The following CEP83 variants were observed in gnomAD, a reference collection of about 807,000 sequenced individuals.
CEP83 encodes the protein centrosomal protein of 83 kDa.
Under a neutral mutation model 101.9 loss-of-function variants are expected in CEP83, and 70 were observed. The ratio of observed to expected loss-of-function variants is 0.69; its 90% confidence interval spans 0.57 to 0.84. CEP83 has a LOEUF of 0.84. CEP83 is among the 40% of genes least tolerant of loss of function. The probability of loss-of-function intolerance (pLI) is 0.00; values close to 1 mark genes in which losing one functional copy is unlikely to be tolerated. For synonymous variants in CEP83, 264 were observed against 267.9 expected (o/e 0.99, Z 0.14); for missense variants, 715 against 787.2 (o/e 0.91, Z 1.10).
chr12:94,376,764 A>G (rs2061576914), intron 7 of CEP83, among the ~76,000 whole-genome samples: 2 of 145,502 alleles, frequency 1.4e-5, no homozygotes, highest in African/African-American at 2.6e-5. Context: ...TTTTGAGACA[A>G]GGTCTTGCTC....
the CEP83 span, among the ~76,000 whole-genome samples, chr12:94,266,899 C>T: frequency 5.3e-5 from 8 of 152,166 alleles, no homozygotes; most frequent in Admixed American, 1.3e-4. Flanking sequence ...TACCAGTGCC[C>T]GGGCTTTCCC....
the CEP83 span, among the ~76,000 whole-genome samples, chr12:94,272,716 C>CCACACCT: frequency 6.6e-6 from 1 of 152,240 alleles, no homozygotes; most frequent in Non-Finnish European, 1.5e-5. Context: ...AGCATACTGG[C>CCACACCT]CACACCTGGC....
chr12:94,401,604 G>A (rs1566097507), intron 5 of CEP83, among the ~76,000 whole-genome samples: 1 of 152,110 alleles, frequency 6.6e-6, no homozygotes, highest in South Asian at 2.1e-4. Flanking sequence ...CCACAAAGCA[G>A]AAAGATACAG....
At chr12:94,429,639 C>T (rs1011663404) in intron 2 of CEP83, among the ~76,000 whole-genome samples, 2 of 152,190 alleles carry the variant, frequency 1.3e-5, no homozygotes, top group Admixed American at 1.3e-4. Flanking sequence ...CCACTGCTTC[C>T]AGCAGTGGAG....
intron 11 of CEP83, among the ~76,000 whole-genome samples, chr12:94,358,916 A>T (rs1010349050): frequency 6.6e-6 from 1 of 152,260 alleles, no homozygotes; most frequent in Non-Finnish European, 1.5e-5. Context: ...ATGGCCATAA[A>T]GTCCAAGCTG....
intron 2 of CEP83, among the ~76,000 whole-genome samples, chr12:94,428,714 C>G (rs994439597): frequency 3.3e-5 from 5 of 152,174 alleles, no homozygotes; most frequent in African/African-American, 1.2e-4. Context: ...CTTTAAAAAA[C>G]TGATTAAACA....
At chr12:94,355,091 T>C (rs2060390271) in intron 11 of CEP83, among the ~76,000 whole-genome samples, 1 of 151,694 alleles carries the variant, frequency 6.6e-6, no homozygotes, top group Non-Finnish European at 1.5e-5. Context: ...ATGCAATGAA[T>C]ACCACAAAAG....
At position 94,402,176 on chromosome 12, in the gene CEP83, T is replaced by G. The variant is rs1278903563; in HGVS notation, c.417+994A>C. The G allele has an allele frequency of 4.6e-5, 7 of 152,342 alleles. No individual in the cohort carries two copies. In the East Asian group the frequency reaches 1.3e-3, roughly 29 times the overall value. The allele number at this position is 152,342 out of a possible 1,614,324, so 9.4% of individuals were successfully genotyped here. A position where few individuals can be genotyped will look rare whatever the true frequency, so the allele number is the denominator to read the frequency against. On this transcript the variant is annotated intron_variant, in intron 5 of 16. Coordinates refer to ENST00000397809, the MANE Select transcript of CEP83 (RefSeq NM_016122.3). ...GACTAGTCTCAACCTGAAGTAAAAC[T>G]GTAACAGATTTTTACTTTTATGAAG...
chr12:94,426,869 C>T (rs914115768), intron 2 of CEP83, among the ~76,000 whole-genome samples: 1 of 152,092 alleles, frequency 6.6e-6, no homozygotes, highest in East Asian at 1.9e-4. Flanking sequence ...CCTACAGCCA[C>T]AAAAAGCTGG....
rs529065714 is a variant in CEP83, at chr12:94,352,789, C to A, written c.1343+15005G>T. The stretch of plus-strand genomic sequence containing the variant: ...ATTAAGACAGGTCTTTTAAAATAAT[C>A]CAGTCAGACAAATAATAATAAAGAA... On this transcript the variant is annotated intron_variant, in intron 11 of 16. Transcript: ENST00000397809. 7.2e-5 allele frequency among the ~76,000 whole-genome samples: 11 copies of A among 152,094 alleles called. No homozygotes were observed. The Middle Eastern group carries it at 0.014, about 188-fold the overall frequency.
At chr12:94,323,876 G>C (rs2058854640) in intron 14 of CEP83, among the ~76,000 whole-genome samples, 1 of 152,090 alleles carries the variant, frequency 6.6e-6, no homozygotes, top group Non-Finnish European at 1.5e-5. Flanking sequence ...TTCCCAGTTT[G>C]GCAAAAGTTT....
rs2062780206 is a variant in CEP83, at chr12:94,394,810, A to C, written c.549+6040T>G. On this transcript the variant is annotated intron_variant, in intron 6 of 16. Coordinates refer to ENST00000397809, the MANE Select transcript of CEP83 (RefSeq NM_016122.3). ...AACAACTCCATCAAAAAGTGGGCAAAGGATATGAACAGACACTTCTCAAAA... is the reference window on the plus strand; with the variant it reads ...AACAACTCCATCAAAAAGTGGGCAACGGATATGAACAGACACTTCTCAAAA... 2.0e-5 allele frequency among the ~76,000 whole-genome samples: 3 copies of C among 152,374 alleles called. No homozygotes were observed. The South Asian group carries it at 6.2e-4, about 32-fold the overall frequency.
chr12:94,429,603 G>A (rs1369521038), intron 2 of CEP83, among the ~76,000 whole-genome samples: 1 of 152,172 alleles, frequency 6.6e-6, no homozygotes, highest in African/African-American at 2.4e-5. Context: ...TGGGGCCAAA[G>A]TGCACGCCTC....
chr12:94,442,308 C>T (rs576078215), intron 1 of CEP83, among the ~76,000 whole-genome samples: 3 of 150,968 alleles, frequency 2.0e-5, no homozygotes, highest in Non-Finnish European at 4.4e-5. Context: ...CAAGTGGAAG[C>T]TAAGCTATGA....
At chr12:94,409,498 A>T (rs1433301006) in intron 4 of CEP83, among the ~76,000 whole-genome samples, 2 of 152,192 alleles carry the variant, frequency 1.3e-5, no homozygotes, top group Admixed American at 1.3e-4. Flanking sequence ...CAATTGGATC[A>T]CTTTAAAAAG....
chr12:94,436,518 C>T (rs1268540172), intron 1 of CEP83, among the ~76,000 whole-genome samples: 1 of 152,104 alleles, frequency 6.6e-6, no homozygotes, highest in East Asian at 1.9e-4. Context: ...CTCGAATTAA[C>T]CCAATCTGAC....
chr12:94,364,673 G>A (rs938145038), intron 11 of CEP83, among the ~76,000 whole-genome samples: 10 of 152,022 alleles, frequency 6.6e-5, no homozygotes, highest in Admixed American at 2.0e-4. Context: ...AATGGCACAT[G>A]AACAGACAAC....
intron 6 of CEP83, among the ~76,000 whole-genome samples, chr12:94,393,716 T>C (rs567904336): frequency 6.6e-6 from 1 of 152,324 alleles, no homozygotes; most frequent in East Asian, 1.9e-4. Context: ...ATTGTATATT[T>C]AGAAAACTCC....
At chr12:94,355,436 T>G (rs2136844405) in intron 11 of CEP83, among the ~76,000 whole-genome samples, 1 of 151,812 alleles carries the variant, frequency 6.6e-6, no homozygotes, top group African/African-American at 2.4e-5. Flanking sequence ...GAGCTTGCAG[T>G]GAGCAGATCG....
Sources: allele counts gnomAD v4.1 joint callset (sites outside exome capture counted in the v4.1 genomes callset), GRCh38; gene constraint gnomAD v4.1.1; transcripts MANE v1.5; gene names NCBI Gene and HGNC (gene_info 2026-07-23, HGNC 2026-07-21).